Variants in WDR25 observed in about 807,000 individuals in gnomAD.
WDR25 encodes the protein WD repeat-containing protein 25.
WDR25 carries 35 observed loss-of-function variants against 47.7 expected under a neutral mutation model. The observed-to-expected ratio is 0.73, with a 90% confidence interval of 0.56 to 0.97. WDR25 has a LOEUF of 0.97. WDR25 is among the 50% of genes least tolerant of loss of function. The pLI, the probability that WDR25 is intolerant of heterozygous loss-of-function variation, is 0.00. For synonymous variants in WDR25, 248 were observed against 278.9 expected (o/e 0.89, Z 1.10); for missense variants, 634 against 704.7 (o/e 0.90, Z 1.14).
chr14:100,413,054 T>C (rs766396257), intron 2 of WDR25, among the ~76,000 whole-genome samples: 4 of 152,166 alleles, frequency 2.6e-5, no homozygotes, highest in African/African-American at 4.8e-5. Flanking sequence ...GGTCCCAGAC[T>C]CCTAACCTCA....
intron 3 of WDR25, among the ~76,000 whole-genome samples, chr14:100,469,843 C>T (rs1899769405): frequency 6.6e-6 from 1 of 152,216 alleles, no homozygotes; most frequent in African/African-American, 2.4e-5. Context: ...GTGACAGAGC[C>T]AGGATGCACG....
chr14:100,479,350 G>A (rs1900124699), intron 3 of WDR25, among the ~76,000 whole-genome samples: 1 of 152,090 alleles, frequency 6.6e-6, no homozygotes, highest in Admixed American at 6.5e-5. Context: ...TAAAAGGTGG[G>A]GTTTGTCATG....
Position 100,428,345 on chromosome 14 carries a change from G to A in WDR25, c.823-39676G>A, listed in dbSNP as rs1898229517. 6.6e-6 allele frequency among the ~76,000 whole-genome samples: 1 copy of A among 152,204 alleles called. No homozygotes were observed. Among genetic ancestry groups the A allele is most frequent in the African/African-American group, 2.4e-5 (1 of 41,450 alleles). On this transcript the variant is annotated intron_variant, in intron 2 of 6. Coordinates refer to ENST00000402312, the MANE Select transcript of WDR25 (RefSeq NM_001161476.3). This position sits in a 1 kb window ranked among gnomAD's most constrained non-coding sequence, Gnocchi z 4.3. ...GGCGTTGTCCTTTCCTCTTCCTGGT[G>A]TGTGTAGCGAGCCTGGTCAGAGCAT... is the stretch of plus-strand genomic sequence containing the variant.
At chr14:100,494,886 A>C in intron 4 of WDR25, among the ~76,000 whole-genome samples, 1 of 152,216 alleles carries the variant, frequency 6.6e-6, no homozygotes, top group East Asian at 1.9e-4. Context: ...CATTAAGAGC[A>C]GAATGCACTT....
At chr14:100,521,908 C>T (rs926054879) in intron 4 of WDR25, among the ~76,000 whole-genome samples, 1 of 152,164 alleles carries the variant, frequency 6.6e-6, no homozygotes. Context: ...ATACCTAACA[C>T]CCCCAGAGCC....
At position 100,413,099 on chromosome 14, in the gene WDR25, G is replaced by A. The variant is rs1023475028; in HGVS notation, c.822+31353G>A. On this transcript the variant is annotated intron_variant, in intron 2 of 6. Coordinates refer to ENST00000402312, the MANE Select transcript of WDR25 (RefSeq NM_001161476.3). ...CCTGCCTTGGCCTCCCAAAGTTCTG[G>A]GATTACAGGCATGAGTCACCACAAC... Among the ~76,000 whole-genome samples, 26 of 152,086 alleles carry A rather than the reference G, an allele frequency of 1.7e-4. 1 individual carries two copies. Among genetic ancestry groups the A allele is most frequent in the Admixed American group, 1.4e-3 (21 of 15,268 alleles).
chr14:100,525,066 G>A lies in WDR25; in HGVS notation c.1102-804G>A, dbSNP rs1022412232. Among the ~76,000 whole-genome samples the A allele has an allele frequency of 6.6e-6, 1 of 152,178 alleles. No homozygotes were observed. The highest frequency in any genetic ancestry group is 1.5e-5 in the Non-Finnish European group (1 of 68,042). Reference sequence around the variant, plus strand: ...GGTAAAGGGACCGGCCGGCCCCTGCGACCAACTTGAGACCTTGCTGCGCTT... The same window carrying A: ...GGTAAAGGGACCGGCCGGCCCCTGCAACCAACTTGAGACCTTGCTGCGCTT... On this transcript the variant is annotated intron_variant, in intron 4 of 6. Transcript: ENST00000402312. The surrounding 1 kb of genome is among the most constrained non-coding windows in gnomAD (Gnocchi z 4.6).
At chr14:100,439,012 C>G (rs1898584609) in intron 2 of WDR25, among the ~76,000 whole-genome samples, 1 of 152,218 alleles carries the variant, frequency 6.6e-6, no homozygotes, top group African/African-American at 2.4e-5. Context: ...TGGCCTGGCC[C>G]TGGTGGCTAG....
In WDR25 at chr14:100,513,307, A is replaced by C. The variant is rs536246463; in HGVS notation, c.1102-12563A>C. ...CTTTGTTAGTGTAGTTAATGCCTTTATAAAAGGGCTGGAGGGAACAAGGTG... is the reference window on the plus strand; with the variant it reads ...CTTTGTTAGTGTAGTTAATGCCTTTCTAAAAGGGCTGGAGGGAACAAGGTG... On this transcript the variant is annotated intron_variant, in intron 4 of 6. Coordinates refer to ENST00000402312, the MANE Select transcript of WDR25 (RefSeq NM_001161476.3). 2.9e-4 allele frequency among the ~76,000 whole-genome samples: 44 copies of C among 152,276 alleles called. 1 individual carries two copies. Among genetic ancestry groups the C allele is most frequent in the Middle Eastern group, 3.4e-3 (1 of 294 alleles).
rs1900811599 is a variant in WDR25 at position 100,498,563 on chromosome 14, A to T, written c.1101+14439A>T. Among the ~76,000 whole-genome samples, 1 of 152,208 alleles carries T rather than the reference A, an allele frequency of 6.6e-6. No homozygotes were observed. Among genetic ancestry groups the T allele is most frequent in the African/African-American group, 2.4e-5 (1 of 41,448 alleles). ...AGTTTAGAGGATTCAGAGAAGCTGC[A>T]GGAAATGTCTCTTGCCCTGCTGCTG... On this transcript the variant is annotated intron_variant, in intron 4 of 6. Coordinates refer to ENST00000402312, the MANE Select transcript of WDR25 (RefSeq NM_001161476.3). The surrounding 1 kb of genome is among the most constrained non-coding windows in gnomAD (Gnocchi z 4.2).
chr14:100,416,332 T>C (rs1399282735), intron 2 of WDR25, among the ~76,000 whole-genome samples: 1 of 152,222 alleles, frequency 6.6e-6, no homozygotes, highest in Non-Finnish European at 1.5e-5. Flanking sequence ...TATTATTACG[T>C]ATTCTCAACT....
Position 100,392,049 on chromosome 14 carries a change from G to C in WDR25, c.822+10303G>C, listed in dbSNP as rs1897157656. On this transcript the variant is annotated intron_variant, in intron 2 of 6. Coordinates refer to ENST00000402312, the MANE Select transcript of WDR25 (RefSeq NM_001161476.3). This position sits in a 1 kb window ranked among gnomAD's most constrained non-coding sequence, Gnocchi z 4.2. ...TAATTTTTCTTGGTCTTGGAAAATA[G>C]AGTTATTTTTATAAGAATGTGCTAT... is the stretch of plus-strand genomic sequence containing the variant. Among the ~76,000 whole-genome samples, 1 of 152,204 alleles carries C rather than the reference G, an allele frequency of 6.6e-6. No individual in the cohort carries two copies. The highest frequency in any genetic ancestry group is 1.5e-5 in the Non-Finnish European group (1 of 68,040).
intron 4 of WDR25, among the ~76,000 whole-genome samples, chr14:100,517,313 A>G (rs1366505424): frequency 6.6e-6 from 1 of 151,376 alleles, no homozygotes; most frequent in Non-Finnish European, 1.5e-5. Context: ...TCTTGACCTC[A>G]TGATCCACCC....
chr14:100,443,569 A>G (rs1278845963), intron 2 of WDR25, among the ~76,000 whole-genome samples: 4 of 152,204 alleles, frequency 2.6e-5, no homozygotes, highest in South Asian at 4.1e-4. Context: ...GGGGATAAAT[A>G]TCATTGCTGC....
rs1898961457 is a variant in WDR25 at position 100,449,738 on chromosome 14, T to C, written c.823-18283T>C. ...ACAGAGTGATTTTAACGCAGCTCCTTGTCCTGGCTTAGGTGACGCCTCCCC... is the reference window on the plus strand; with the variant it reads ...ACAGAGTGATTTTAACGCAGCTCCTCGTCCTGGCTTAGGTGACGCCTCCCC... On this transcript the variant is annotated intron_variant, in intron 2 of 6. Transcript: ENST00000402312. This position sits in a 1 kb window ranked among gnomAD's most constrained non-coding sequence, Gnocchi z 4.2. 2.0e-5 allele frequency among the ~76,000 whole-genome samples: 3 copies of C among 152,328 alleles called. No homozygotes were observed. The South Asian group carries it at 6.2e-4, about 32-fold the overall frequency.
chr14:100,396,328 CATTTGTTTATTATTTATTTA>C (rs1897260442), intron 2 of WDR25, among the ~76,000 whole-genome samples: 7 of 152,114 alleles, frequency 4.6e-5, no homozygotes, highest in Admixed American at 4.6e-4. Flanking sequence ...GCAGCTTGTA[CATTTGTTTATTATTTATTTA>C]TAAATCTTAA....
In WDR25 at chr14:100,525,850, A is replaced by C. The variant is rs1341751670; in HGVS notation, c.1102-20A>C. 9.9e-6 allele frequency: 16 copies of C among 1,610,742 alleles called. No individual in the cohort carries two copies. Among genetic ancestry groups the C allele is most frequent in the Non-Finnish European group, 1.4e-5 (16 of 1,177,692 alleles). The stretch of plus-strand genomic sequence containing the variant: ...CCGTGCTGCCAGGCCTGCCAGCATG[A>C]CCGGTGTCCGCTCTTGCAGGTGATG... On this transcript the variant is annotated intron_variant, in intron 4 of 6. Coordinates refer to ENST00000402312, the MANE Select transcript of WDR25 (RefSeq NM_001161476.3). This position sits in a 1 kb window ranked among gnomAD's most constrained non-coding sequence, Gnocchi z 4.6.
intron 2 of WDR25, among the ~76,000 whole-genome samples, chr14:100,405,726 G>A (rs1206871503): frequency 6.6e-6 from 1 of 152,240 alleles, no homozygotes; most frequent in East Asian, 1.9e-4. Context: ...ATGGATTGGT[G>A]TGTCAGTCGC....
chr14:100,515,692 A>G (rs1244841902), intron 4 of WDR25, among the ~76,000 whole-genome samples: 1 of 151,666 alleles, frequency 6.6e-6, no homozygotes, highest in Non-Finnish European at 1.5e-5. Flanking sequence ...GCAGTGGCCT[A>G]ATCTTGGCTC....
Sources: gnomAD v4.1 joint callset for allele counts (sites outside exome capture counted in the v4.1 genomes callset) on GRCh38, gnomAD v4.1.1 for gene constraint, Gnocchi (gnomAD v3.1) non-coding constraint, MANE v1.5 for transcripts, NCBI Gene and HGNC (gene_info 2026-07-23, HGNC 2026-07-21) for gene names.